ATRN: variants seen among roughly 807,000 people sequenced by gnomAD.
ATRN encodes the protein attractin.
A neutral mutation model predicts 178.7 loss-of-function variants in ATRN; 54 were observed. The observed-to-expected ratio is 0.30, with a 90% CI of 0.24 to 0.38. ATRN has a LOEUF of 0.38. Ranked by LOEUF, ATRN falls within the 10% of genes least tolerant of loss-of-function variation. The pLI is 1.00. For synonymous variants in ATRN, 636 were observed against 663.0 expected (o/e 0.96, Z 0.63); for missense variants, 1,443 against 1,815.1 (o/e 0.79, Z 3.73).
chr20:3,634,380 A>G lies in ATRN; in HGVS notation c.3933A>G (p.Arg1311=), dbSNP rs671329. Residue 1311 remains arginine, a synonymous_variant, in exon 26 of 29, where the codon AGA becomes AGG. Transcript: ENST00000262919. ...WKIKQSCWAS[R]RREQLLREMQ... ...TCAAACAAAGTTGTTGGGCCTCCAG[A>G]CGTAGAGAGGTAAGCTTCAGTGGGT... The G allele has an allele frequency of 1.2e-6, 2 of 1,612,458 alleles. No homozygotes were observed. The highest frequency in any genetic ancestry group is 1.7e-5 in the Admixed American group (1 of 60,006).
At chr20:3,535,052 T>C (rs2085505869) in intron 1 of ATRN, among the ~76,000 whole-genome samples, 3 of 152,112 alleles carry the variant, frequency 2.0e-5, no homozygotes, top group African/African-American at 4.8e-5. Context: ...GCAATAAGTA[T>C]TTGTTTCATC....
At chr20:3,528,187 G>A (rs983038836) in intron 1 of ATRN, among the ~76,000 whole-genome samples, 2 of 151,920 alleles carry the variant, frequency 1.3e-5, no homozygotes, top group African/African-American at 2.4e-5. Context: ...GGCCAAGATG[G>A]TGAAACCCCG....
At chr20:3,523,593 G>A (rs1296584951) in intron 1 of ATRN, among the ~76,000 whole-genome samples, 1 of 152,128 alleles carries the variant, frequency 6.6e-6, no homozygotes, top group Non-Finnish European at 1.5e-5. Flanking sequence ...CTTGAGAAGA[G>A]CAACCCCAAG....
chr20:3,565,349 C>T lies in ATRN; in HGVS notation c.1788C>T (p.Ala596=), dbSNP rs765429091. The change falls in exon 11 of 29, where the codon GCC becomes GCT. Residue 596 remains alanine (A), a splice_region_variant and synonymous_variant. Coordinates refer to ENST00000262919, the MANE Select transcript of ATRN (RefSeq NM_139321.3). ...FSSDFMAYDI[A]CDRWSVLPRP... is the part of the protein sequence containing the mutation. ...AAAATATATTTTTCTTTCTCCTAGC[C>T]TGTGACCGCTGGTCAGTGCTTCCCA... The T allele has an allele frequency of 6.2e-7, 1 of 1,613,480 alleles. No individual in the cohort carries two copies. The highest frequency in any genetic ancestry group is 8.5e-7 in the Non-Finnish European group (1 of 1,179,610).
chr20:3,579,900 A>G (rs1220500789), intron 15 of ATRN, among the ~76,000 whole-genome samples: 1 of 152,106 alleles, frequency 6.6e-6, no homozygotes, highest in Admixed American at 6.6e-5. Context: ...TGTACCACCT[A>G]TAGGGCCATT....
At chr20:3,630,644 G>A (rs2146320229) in intron 25 of ATRN, among the ~76,000 whole-genome samples, 1 of 152,260 alleles carries the variant, frequency 6.6e-6, no homozygotes, top group Non-Finnish European at 1.5e-5. Context: ...TTCAGTCCCT[G>A]GGCGACCGAA....
intron 19 of ATRN, 118 bp downstream of exon 19, chr20:3,591,424 T>A: frequency 1.6e-6 from 2 of 1,244,242 alleles, no homozygotes; most frequent in Non-Finnish European, 2.2e-6. Flanking sequence ...CATTTCTTAT[T>A]AAATCATACT....
rs2086198806 is a variant in ATRN at position 3,575,713 on chromosome 20, G to A, written c.2093-114G>A. The A allele has an allele frequency of 2.1e-5, 25 of 1,197,476 alleles. No homozygotes were observed. In the South Asian group the frequency reaches 4.0e-4, roughly 19 times the overall value. 74.2% of individuals were successfully genotyped at this position (1,197,476 alleles called of 1,614,324 possible). The stretch of plus-strand genomic sequence containing the variant: ...ACATACCAAATATATTTTCCTGCCA[G>A]TTTCATTCTTCATTTTACTTCTTAA... On this transcript the variant is annotated intron_variant, in intron 12 of 28. Transcript: ENST00000262919.
Position 3,607,747 on chromosome 20 carries a change from G to A in ATRN, c.3801+3485G>A, listed in dbSNP as rs144536982. 1.8e-3 allele frequency among the ~76,000 whole-genome samples: 272 copies of A among 152,188 alleles called. 3 individuals carry two copies. The highest frequency in any genetic ancestry group is 0.013 in the South Asian group (63 of 4,810). On this transcript the variant is annotated intron_variant, in intron 24 of 28. Coordinates refer to ENST00000262919, the MANE Select transcript of ATRN (RefSeq NM_139321.3). ...TTCTTTTGGATATATACCCAGCAGC[G>A]GGATTGCTGGATCATGTGGTGGATC...
At position 3,584,758 on chromosome 20, in the gene ATRN, A is replaced by G; in HGVS notation, c.3062A>G (p.Tyr1021Cys). The change falls in exon 18 of 29, where the codon TAT (tyrosine) becomes TGT (cysteine). Residue 1021 changes from tyrosine (Y) to cysteine (C), a missense_variant. This residue lies in a region of ATRN where 80 missense variants were observed against 71.5 expected (regional missense o/e 1.12). Coordinates refer to ENST00000262919, the MANE Select transcript of ATRN (RefSeq NM_139321.3). Reference protein sequence around the residue: ...TGKGKCIEGSYKGPVKMPSQA... With the variant: ...TGKGKCIEGSCKGPVKMPSQA... Reference sequence around the variant, plus strand: ...AAAGGGAAATGCATAGAGGGTTCCTATAAAGGACCAGTGAAGATGCCTTCG... The same window carrying G: ...AAAGGGAAATGCATAGAGGGTTCCTGTAAAGGACCAGTGAAGATGCCTTCG... 2 of 1,614,172 alleles carry G rather than the reference A, an allele frequency of 1.2e-6. No individual in the cohort carries two copies. Among genetic ancestry groups the G allele is most frequent in the South Asian group, 1.1e-5 (1 of 91,078 alleles).
At chr20:3,491,148 G>T in intron 1 of ATRN, 1 of 516,630 alleles carries the variant, frequency 1.9e-6, no homozygotes, top group Non-Finnish European at 3.4e-6. Context: ...GCTCTCTGGG[G>T]GAAAAAAATC....
rs142480324 is a variant in ATRN, at chr20:3,522,686, A to G, written c.411-12567A>G. On this transcript the variant is annotated intron_variant, in intron 1 of 28. Coordinates refer to ENST00000262919, the MANE Select transcript of ATRN (RefSeq NM_139321.3). The stretch of plus-strand genomic sequence containing the variant: ...GAGAGCTCCAGCTGACATCTGGTGG[A>G]TACCCCTCTGGGATGAAGCTTCCAG... Among the ~76,000 whole-genome samples, 742 of 152,268 alleles carry G rather than the reference A, an allele frequency of 4.9e-3. 3 individuals are homozygous for G. Among genetic ancestry groups the G allele is most frequent in the Non-Finnish European group, 8.7e-3 (591 of 68,004 alleles).
chr20:3,490,064 T>C, intron 1 of ATRN: 1 of 1,208,784 alleles, frequency 8.3e-7, no homozygotes, highest in Non-Finnish European at 1.2e-6. Context: ...AGAAAAGCAA[T>C]GTCTTTGTTC....
chr20:3,587,333 A>G (rs1295464359), intron 18 of ATRN, among the ~76,000 whole-genome samples: 1 of 152,130 alleles, frequency 6.6e-6, no homozygotes, highest in Non-Finnish European at 1.5e-5. Context: ...ATTTGCTCCT[A>G]AGTTTTCTTT....
intron 1 of ATRN, among the ~76,000 whole-genome samples, chr20:3,515,509 T>A (rs1309030451): frequency 5.9e-5 from 9 of 152,184 alleles, no homozygotes; most frequent in African/African-American, 2.2e-4. Flanking sequence ...AGAAGAGAGT[T>A]ACTAGCTTTT....
chr20:3,520,215 G>GA (rs1221349205), intron 1 of ATRN, among the ~76,000 whole-genome samples: 1 of 152,004 alleles, frequency 6.6e-6, no homozygotes, highest in East Asian at 1.9e-4. Context: ...ATGCTCTGCA[G>GA]AAAAAAATGT....
chr20:3,636,837 T>C (rs1055532320), intron 26 of ATRN, among the ~76,000 whole-genome samples: 1 of 152,226 alleles, frequency 6.6e-6, no homozygotes, highest in African/African-American at 2.4e-5. Flanking sequence ...GTCATTCAGC[T>C]TTGTGCTAGA....
At chr20:3,518,375 A>G (rs978123124) in intron 1 of ATRN, among the ~76,000 whole-genome samples, 4 of 152,238 alleles carry the variant, frequency 2.6e-5, no homozygotes, top group Non-Finnish European at 5.9e-5. Context: ...ACTTAAAATC[A>G]CATTATGCTA....
intron 6 of ATRN, among the ~76,000 whole-genome samples, chr20:3,553,888 G>A (rs942142844): frequency 3.3e-5 from 5 of 152,100 alleles, no homozygotes; most frequent in African/African-American, 9.7e-5. Flanking sequence ...CTTTATGGCA[G>A]TGTTAGTGAT....
Sources: allele counts gnomAD v4.1 joint callset (sites outside exome capture counted in the v4.1 genomes callset), GRCh38; gene constraint gnomAD v4.1.1; regional missense constraint gnomAD v4.1.1; transcripts MANE v1.5; gene names NCBI Gene and HGNC (gene_info 2026-07-23, HGNC 2026-07-21).